Variants in DYNC2H1 observed in about 807,000 individuals in gnomAD.
DYNC2H1 encodes dynein cytoplasmic 2 heavy chain 1.
In DYNC2H1, 410 loss-of-function variants were observed where a neutral mutation model predicts 570.0. The observed-to-expected ratio is 0.72, with a 90% CI of 0.66 to 0.78. DYNC2H1 has a LOEUF of 0.78. DYNC2H1 is among the 30% of genes least tolerant of loss of function. The pLI, the probability that DYNC2H1 is intolerant of heterozygous loss-of-function variation, is 0.00. For missense variants in DYNC2H1, 4,865 were observed against 5,046.4 expected (o/e 0.96, Z 1.09); for synonymous variants, 1,688 against 1,677.6 (o/e 1.01, Z -0.15).
intron 79 of DYNC2H1, 76 bp downstream of exon 79, chr11:103,312,109 G>GA: frequency 2.7e-6 from 4 of 1,478,538 alleles, no homozygotes; most frequent in Non-Finnish European, 3.6e-6. Context: ...GGCCAGGCAT[G>GA]GTGGCTCATG....
Position 103,156,783 on chromosome 11 carries a change from A to T in DYNC2H1, c.4127+13A>T. On this transcript the variant is annotated intron_variant, in intron 26 of 88. Coordinates refer to ENST00000375735, the MANE Select transcript of DYNC2H1 (RefSeq NM_001377.3). ...ATGAAGATTTTAGGTCAGTACAATG[A>T]TGTAAGACATAGACACATATGGTAT... 6.3e-7 allele frequency: 1 copy of T among 1,591,074 alleles called. No individual in the cohort carries two copies. The highest frequency in any genetic ancestry group is 1.2e-5 in the South Asian group (1 of 85,928).
At chr11:103,451,988 C>T (rs1190730548) in intron 85 of DYNC2H1, among the ~76,000 whole-genome samples, 3 of 151,950 alleles carry the variant, frequency 2.0e-5, no homozygotes, top group African/African-American at 4.8e-5. Context: ...TGAAAGTCCA[C>T]CATTCTGTAA....
Position 103,274,539 on chromosome 11 carries a change from T to A in DYNC2H1, c.10696-5809T>A, listed in dbSNP as rs757466747. ...ATGTTATTATAATCATTTTAAAGAT[T>A]CATTAATTTATAAAATATTCATCTT... On this transcript the variant is annotated intron_variant, in intron 70 of 88. Coordinates refer to ENST00000375735, the MANE Select transcript of DYNC2H1 (RefSeq NM_001377.3). Among the ~76,000 whole-genome samples the A allele has an allele frequency of 2.6e-5, 4 of 152,312 alleles. No individual in the cohort carries two copies. The South Asian group carries it at 8.3e-4, about 32-fold the overall frequency.
chr11:103,260,601 G>C (rs1480627729), intron 70 of DYNC2H1, among the ~76,000 whole-genome samples: 1 of 151,396 alleles, frequency 6.6e-6, no homozygotes, highest in Non-Finnish European at 1.5e-5. Context: ...AAAACGCAGA[G>C]GCCTTTTTGT....
At chr11:103,367,472 C>A (rs1173865048) in intron 83 of DYNC2H1, among the ~76,000 whole-genome samples, 1 of 152,050 alleles carries the variant, frequency 6.6e-6, no homozygotes, top group Non-Finnish European at 1.5e-5. Flanking sequence ...ATACTCCACA[C>A]ATTGTAATTG....
Position 103,205,037 on chromosome 11 carries a change from T to C in DYNC2H1, c.8454+73T>C. On this transcript the variant is annotated intron_variant, in intron 52 of 88. Transcript: ENST00000375735. The surrounding 1 kb of genome is among the most constrained non-coding windows in gnomAD (Gnocchi z 4.5). The stretch of plus-strand genomic sequence containing the variant: ...AAGTTATTGATTTTCACAACTTCTC[T>C]TTGGTGTTGGTTATAACATCACCTT... 1.4e-6 allele frequency: 2 copies of C among 1,413,540 alleles called. No individual in the cohort carries two copies. Among genetic ancestry groups the C allele is most frequent in the Non-Finnish European group, 1.9e-6 (2 of 1,042,398 alleles). The allele number at this position is 1,413,540 out of a possible 1,614,324, so 87.6% of individuals were successfully genotyped here.
In DYNC2H1 at chr11:103,145,352, G is replaced by C. The variant is rs564810747; in HGVS notation, c.2702+1957G>C. ...GATACTGGTAGGACCATTAATATTA[G>C]TTTAAAGTAAGGAAAAGATAGTGCT... On this transcript the variant is annotated intron_variant, in intron 18 of 88. Coordinates refer to ENST00000375735, the MANE Select transcript of DYNC2H1 (RefSeq NM_001377.3). The surrounding 1 kb of genome is among the most constrained non-coding windows in gnomAD (Gnocchi z 4.2). Among the ~76,000 whole-genome samples, 1 of 152,254 alleles carries C rather than the reference G, an allele frequency of 6.6e-6. No individual in the cohort carries two copies. Among genetic ancestry groups the C allele is most frequent in the African/African-American group, 2.4e-5 (1 of 41,550 alleles).
Position 103,173,248 on chromosome 11 carries a change from GC to G in DYNC2H1, c.5502del (p.Phe1835LeufsTer7). 6.3e-7 allele frequency: 1 copy of G among 1,599,752 alleles called. No individual in the cohort carries two copies. Among genetic ancestry groups the G allele is most frequent in the Non-Finnish European group, 8.5e-7 (1 of 1,173,284 alleles). On this transcript the variant is annotated frameshift_variant, in exon 35 of 89. Transcript: ENST00000375735. LOFTEE classifies it high-confidence loss of function. The stretch of plus-strand genomic sequence containing the variant: ...GCAGAAGTTATTCTCTATTCGGAAG[GC>G]TTTAAAGACGCTAAAGTATTGAGCA... ...LIAEVILYSE[G>X]FKDAKVLSRK... is the part of the protein sequence containing the mutation.
intron 72 of DYNC2H1, 64 bp from the exon 73 acceptor site, chr11:103,282,944 T>C: frequency 4.3e-6 from 5 of 1,174,592 alleles, no homozygotes; most frequent in Non-Finnish European, 4.9e-6. Flanking sequence ...AGCTAATCAA[T>C]TGCTATTTTT....
chr11:103,382,465 G>A (rs2135582325), intron 83 of DYNC2H1, among the ~76,000 whole-genome samples: 1 of 152,216 alleles, frequency 6.6e-6, no homozygotes, highest in South Asian at 2.1e-4. Context: ...TACTTTCTTA[G>A]GTTGCTGAAC....
intron 83 of DYNC2H1, among the ~76,000 whole-genome samples, chr11:103,397,958 AT>A (rs1376141292): frequency 1.3e-5 from 2 of 152,232 alleles, no homozygotes; most frequent in African/African-American, 2.4e-5. Context: ...GATAAATGGA[AT>A]CTTGCTTCAA....
intron 85 of DYNC2H1, among the ~76,000 whole-genome samples, chr11:103,450,912 T>C (rs1271586786): frequency 6.6e-6 from 1 of 152,232 alleles, no homozygotes; most frequent in Non-Finnish European, 1.5e-5. Flanking sequence ...AATAATGTTT[T>C]TATATAATTA....
intron 70 of DYNC2H1, among the ~76,000 whole-genome samples, chr11:103,278,693 A>G (rs1591515005): frequency 6.6e-6 from 1 of 152,064 alleles, no homozygotes; most frequent in Admixed American, 6.6e-5. Context: ...CGGCCTCCTG[A>G]GTAGCTGGAA....
chr11:103,152,135 G>A lies in DYNC2H1; in HGVS notation c.2947-1G>A. Reference sequence around the variant, plus strand: ...TTTGTTTTTTTTTTTTTAACCTTTAGATTTTGCCCTTATTTCAAGAAGCTG... The same window carrying A: ...TTTGTTTTTTTTTTTTTAACCTTTAAATTTTGCCCTTATTTCAAGAAGCTG... On this transcript the variant is annotated splice_acceptor_variant, in intron 20 of 88. Transcript: ENST00000375735. LOFTEE classifies it high-confidence loss of function. 6.7e-7 allele frequency: 1 copy of A among 1,499,486 alleles called. No homozygotes were observed. The allele number at this position is 1,499,486 out of a possible 1,614,324, so 92.9% of individuals were successfully genotyped here.
Position 103,252,182 on chromosome 11 carries a change from G to A in DYNC2H1, c.10043-1103G>A, listed in dbSNP as rs1040380808. On this transcript the variant is annotated intron_variant, in intron 65 of 88. Coordinates refer to ENST00000375735, the MANE Select transcript of DYNC2H1 (RefSeq NM_001377.3). The surrounding 1 kb of genome is among the most constrained non-coding windows in gnomAD (Gnocchi z 4.6). ...ACTTCTGGTCTCAAGTGGTACGTCC[G>A]TCTCAACCTCCCAAAATGATGCGAT... Among the ~76,000 whole-genome samples the A allele has an allele frequency of 6.6e-6, 1 of 151,006 alleles. No individual in the cohort carries two copies. Among genetic ancestry groups the A allele is most frequent in the Non-Finnish European group, 1.5e-5 (1 of 67,888 alleles).
At position 103,244,324 on chromosome 11, in the gene DYNC2H1, G is replaced by T. The variant is rs569749531; in HGVS notation, c.9918+533G>T. ...GACTTCTCAGTTTCATGTTTATCTTGCAGAGGAAATTATTTTTGGTTAGGT... is the reference window on the plus strand; with the variant it reads ...GACTTCTCAGTTTCATGTTTATCTTTCAGAGGAAATTATTTTTGGTTAGGT... On this transcript the variant is annotated intron_variant, in intron 64 of 88. Coordinates refer to ENST00000375735, the MANE Select transcript of DYNC2H1 (RefSeq NM_001377.3). The surrounding 1 kb of genome is among the most constrained non-coding windows in gnomAD (Gnocchi z 4.3). 3.3e-5 allele frequency among the ~76,000 whole-genome samples: 5 copies of T among 151,780 alleles called. No individual in the cohort carries two copies. The highest frequency in any genetic ancestry group is 7.4e-5 in the Non-Finnish European group (5 of 67,870).
intron 38 of DYNC2H1, among the ~76,000 whole-genome samples, chr11:103,178,647 T>A (rs11225582): frequency 0.017 from 2,623 of 152,166 alleles, 36 homozygotes; most frequent in Non-Finnish European, 0.026. Context: ...TTGACAGTGG[T>A]GAATTTTTTA....
rs1489640267 is a variant in DYNC2H1 at position 103,324,178 on chromosome 11, A to G, written c.12039+188A>G. Among the ~76,000 whole-genome samples the G allele has an allele frequency of 6.6e-6, 1 of 151,876 alleles. No individual in the cohort carries two copies. Among genetic ancestry groups the G allele is most frequent in the Non-Finnish European group, 1.5e-5 (1 of 67,948 alleles). ...GATTTTCTGATTTTTTTTCTTTTTA[A>G]ACTTTTATTTTAGACTCAGGGGAAA... On this transcript the variant is annotated intron_variant, in intron 82 of 88. Coordinates refer to ENST00000375735, the MANE Select transcript of DYNC2H1 (RefSeq NM_001377.3). The surrounding 1 kb of genome is among the most constrained non-coding windows in gnomAD (Gnocchi z 5.2).
chr11:103,318,697 T>A (rs935376728), intron 80 of DYNC2H1, among the ~76,000 whole-genome samples: 1 of 151,854 alleles, frequency 6.6e-6, no homozygotes, highest in Non-Finnish European at 1.5e-5. Context: ...TAATGCCAAA[T>A]AGTATTCCAA....
Sources: gnomAD v4.1 joint callset for allele counts (sites outside exome capture counted in the v4.1 genomes callset) on GRCh38, gnomAD v4.1.1 for gene constraint, Gnocchi (gnomAD v3.1) non-coding constraint, MANE v1.5 for transcripts, NCBI Gene and HGNC (gene_info 2026-07-23, HGNC 2026-07-21) for gene names.